The following GNA14 variants were observed in gnomAD, a reference collection of about 807,000 sequenced individuals.
GNA14 encodes the protein guanine nucleotide-binding protein subunit alpha-14.
In GNA14, 50 loss-of-function variants were observed where a neutral mutation model predicts 42.0. The ratio of observed to expected loss-of-function variants is 1.19; its 90% CI spans 0.95 to 1.51. GNA14 has a LOEUF of 1.51. Ranked by LOEUF, GNA14 falls within the 40% of genes most tolerant of loss-of-function variation. GNA14 has a pLI of 0.00. For synonymous variants in GNA14, 173 were observed against 163.1 expected (o/e 1.06, Z -0.46); for missense variants, 473 against 446.2 (o/e 1.06, Z -0.54).
At chr9:77,614,247 TAGG>T (rs1823775586) in intron 1 of GNA14, among the ~76,000 whole-genome samples, 1 of 152,054 alleles carries the variant, frequency 6.6e-6, no homozygotes, top group Non-Finnish European at 1.5e-5. Flanking sequence ...GGACTGAGAA[TAGG>T]AGATTTATTA....
chr9:77,520,566 T>TTATTTATA (rs1416118464), intron 2 of GNA14, among the ~76,000 whole-genome samples: 2 of 152,164 alleles, frequency 1.3e-5, no homozygotes, highest in Admixed American at 1.3e-4. Context: ...GAATACTTAT[T>TTATTTATA]TATTTATTTA....
chr9:77,586,249 T>C lies in GNA14; in HGVS notation c.125-56996A>G, dbSNP rs971981326. 2.6e-5 allele frequency among the ~76,000 whole-genome samples: 4 copies of C among 152,144 alleles called. No homozygotes were observed. The East Asian group carries it at 5.8e-4, about 22-fold the overall frequency. The stretch of plus-strand genomic sequence containing the variant: ...AATTAGGGGTCTAGCATCCAAAATA[T>C]ATAAAGAGCTCTTTTTTCATACATA... On this transcript the variant is annotated intron_variant, in intron 1 of 6. Transcript: ENST00000341700.
At chr9:77,474,867 C>T (rs1836391785) in intron 2 of GNA14, among the ~76,000 whole-genome samples, 1 of 151,980 alleles carries the variant, frequency 6.6e-6, no homozygotes, top group Non-Finnish European at 1.5e-5. Flanking sequence ...GCCTTAAGAA[C>T]ATTATGCTAA....
intron 2 of GNA14, among the ~76,000 whole-genome samples, chr9:77,484,845 TTA>T (rs1836629343): frequency 6.6e-6 from 1 of 152,236 alleles, no homozygotes; most frequent in Admixed American, 6.5e-5. Flanking sequence ...TTGTAGTCTA[TTA>T]AGTGTGCAAT....
intron 2 of GNA14, among the ~76,000 whole-genome samples, chr9:77,445,442 G>T (rs2131699695): frequency 6.6e-6 from 1 of 151,746 alleles, no homozygotes; most frequent in African/African-American, 2.4e-5. Context: ...GCCCAGCAAG[G>T]TGGCTCATGC....
intron 2 of GNA14, among the ~76,000 whole-genome samples, chr9:77,480,045 C>T (rs1416046658): frequency 2.0e-5 from 3 of 152,102 alleles, no homozygotes; most frequent in East Asian, 1.9e-4. Flanking sequence ...CCTTTATTTC[C>T]TTCTCCTGCC....
rs36075165 is a variant in GNA14 at position 77,529,090 on chromosome 9, C to G, written c.288G>C (p.Gln96His). 1 of 1,614,014 alleles carries G rather than the reference C, an allele frequency of 6.2e-7. No homozygotes were observed. The highest frequency in any genetic ancestry group is 8.5e-7 in the Non-Finnish European group (1 of 1,179,972). Residue 96 changes from glutamine to histidine, a missense_variant, in exon 2 of 7, where the codon CAG becomes CAC. By Grantham distance (24) the Gln-to-His change is conservative. Transcript: ENST00000341700. ...MIRAMDTLRI[Q>H]YVCEQNKENA... ...TTACCTTATTCTGTTCACACACATA[C>G]TGTATCCTTAGCGTGTCCATCGCTC...
At chr9:77,452,243 A>C (rs2131704747) in intron 2 of GNA14, among the ~76,000 whole-genome samples, 1 of 152,336 alleles carries the variant, frequency 6.6e-6, no homozygotes, top group African/African-American at 2.4e-5. Context: ...CGTGTGAGGC[A>C]GACAGATTTG....
chr9:77,523,920 C>T (rs1211409984), intron 2 of GNA14, among the ~76,000 whole-genome samples: 1 of 152,148 alleles, frequency 6.6e-6, no homozygotes, highest in Non-Finnish European at 1.5e-5. Context: ...GTAGGACAGG[C>T]CTAGAATGAG....
At chr9:77,494,205 C>T (rs1319535838) in intron 2 of GNA14, among the ~76,000 whole-genome samples, 1 of 152,120 alleles carries the variant, frequency 6.6e-6, no homozygotes, top group African/African-American at 2.4e-5. Context: ...CAGGTGTGAG[C>T]CACCGTGCCC....
chr9:77,491,035 G>C (rs1836764994), intron 2 of GNA14, among the ~76,000 whole-genome samples: 1 of 152,248 alleles, frequency 6.6e-6, no homozygotes, highest in African/African-American at 2.4e-5. Flanking sequence ...CTTCTCAATG[G>C]AAACCATACA....
At chr9:77,428,270 G>A (rs981779609) in intron 5 of GNA14, among the ~76,000 whole-genome samples, 13 of 151,694 alleles carry the variant, frequency 8.6e-5, no homozygotes, top group Non-Finnish European at 1.2e-4. Flanking sequence ...TAGTAGAGAC[G>A]GGGTTTCACC....
intron 1 of GNA14, among the ~76,000 whole-genome samples, chr9:77,542,800 G>T (rs962584821): frequency 1.3e-5 from 2 of 152,232 alleles, no homozygotes; most frequent in African/African-American, 4.8e-5. Context: ...AATGTCAATG[G>T]TGTTGGACTG....
chr9:77,536,790 T>C (rs1837604138), intron 1 of GNA14, among the ~76,000 whole-genome samples: 1 of 152,254 alleles, frequency 6.6e-6, no homozygotes, highest in Non-Finnish European at 1.5e-5. Flanking sequence ...CTAACTTGAT[T>C]TGTGAGAGTA....
intron 2 of GNA14, among the ~76,000 whole-genome samples, chr9:77,490,206 T>C (rs911003616): frequency 6.6e-6 from 1 of 152,208 alleles, no homozygotes. Context: ...TGTCAAATGG[T>C]GCATTCATAA....
At chr9:77,618,823 C>T (rs866718933) in intron 1 of GNA14, among the ~76,000 whole-genome samples, 1 of 147,966 alleles carries the variant, frequency 6.8e-6, no homozygotes, top group Non-Finnish European at 1.5e-5. Flanking sequence ...TTAGTAGAGA[C>T]GGGGTTTCAC....
chr9:77,450,295 C>T (rs1835883133), intron 2 of GNA14, among the ~76,000 whole-genome samples: 1 of 152,066 alleles, frequency 6.6e-6, no homozygotes, highest in Admixed American at 6.6e-5. Context: ...TGTGGTCAGC[C>T]CCAGCAAAAC....
chr9:77,441,682 G>A (rs1193604089), intron 2 of GNA14, among the ~76,000 whole-genome samples: 1 of 151,798 alleles, frequency 6.6e-6, no homozygotes, highest in Non-Finnish European at 1.5e-5. Flanking sequence ...ATATCTATAA[G>A]CTTTGTAAAA....
At chr9:77,457,636 T>C (rs142155762) in intron 2 of GNA14, among the ~76,000 whole-genome samples, 41 of 152,320 alleles carry the variant, frequency 2.7e-4, no homozygotes, top group Non-Finnish European at 5.3e-4. Flanking sequence ...TTTAACTACA[T>C]GTTTCCAGCG....
Sources: allele counts gnomAD v4.1 joint callset (sites outside exome capture counted in the v4.1 genomes callset), GRCh38; gene constraint gnomAD v4.1.1; transcripts MANE v1.5; gene names NCBI Gene and HGNC (gene_info 2026-07-23, HGNC 2026-07-21).